SLC35D1: variants seen among roughly 807,000 people sequenced by gnomAD.
The protein encoded by SLC35D1 is nucleotide sugar transporter SLC35D1.
Under a neutral mutation model 46.7 loss-of-function variants are expected in SLC35D1, and 31 were observed. The observed-to-expected ratio is 0.66, with a 90% CI of 0.50 to 0.90. The LOEUF is 0.90. SLC35D1 is among the 40% of genes least tolerant of loss of function. SLC35D1 has a pLI of 0.00. For missense variants in SLC35D1, 397 were observed against 426.2 expected (o/e 0.93, Z 0.60); for synonymous variants, 195 against 164.6 (o/e 1.18, Z -1.41).
At chr1:67,011,421 T>G (rs1667563893) in intron 10 of SLC35D1, among the ~76,000 whole-genome samples, 1 of 152,168 alleles carries the variant, frequency 6.6e-6, no homozygotes, top group Admixed American at 6.5e-5. Context: ...CAGACCTCTT[T>G]CTCCCTGTGG....
chr1:67,041,791 C>A (rs889189837), intron 8 of SLC35D1, among the ~76,000 whole-genome samples: 2 of 151,638 alleles, frequency 1.3e-5, no homozygotes, highest in Non-Finnish European at 1.5e-5. Context: ...AAAAAAAAAA[C>A]AAGTTGGGAG....
chr1:66,988,275 C>CT, the SLC35D1 span: 6 of 152,278 alleles, frequency 3.9e-5, no homozygotes, highest in Non-Finnish European at 7.4e-5. Flanking sequence ...CTCAAAATGA[C>CT]TTTTTCTGTA....
intron 4 of SLC35D1, among the ~76,000 whole-genome samples, chr1:67,051,546 T>G (rs1645308834): frequency 6.6e-6 from 1 of 152,186 alleles, no homozygotes; most frequent in South Asian, 2.1e-4. Context: ...TAATAATATT[T>G]TTATCAGGGT....
chr1:66,992,017 C>A, the SLC35D1 span, among the ~76,000 whole-genome samples: 10 of 152,190 alleles, frequency 6.6e-5, no homozygotes, highest in Non-Finnish European at 1.3e-4. Context: ...CTAGAGAGTG[C>A]TGGCTAATGA....
chr1:66,975,836 A>C, the SLC35D1 span, among the ~76,000 whole-genome samples: 2 of 152,146 alleles, frequency 1.3e-5, no homozygotes, highest in Admixed American at 6.5e-5. Context: ...GAGTAAATTA[A>C]CTGAGTCTGG....
In SLC35D1 at chr1:67,053,855, G is replaced by T. The variant is rs756375250; in HGVS notation, c.159C>A (p.Ser53=). 6.2e-7 allele frequency: 1 copy of T among 1,613,430 alleles called. No homozygotes were observed. The highest frequency in any genetic ancestry group is 1.1e-5 in the South Asian group (1 of 91,072). The change falls in exon 1 of 12, where the codon TCC becomes TCA. Residue 53 remains serine, a synonymous_variant. Coordinates refer to ENST00000235345, the MANE Select transcript of SLC35D1 (RefSeq NM_015139.3). ...LLAAGFYGVS[S]FLIVVVNKSV... is the part of the protein sequence containing the mutation. The stretch of plus-strand genomic sequence containing the variant: ...TCTTATTCACCACCACGATCAGGAA[G>T]GAGCTCACGCCGTAAAAGCCGGCGG...
chr1:66,975,727 G>C, the SLC35D1 span, among the ~76,000 whole-genome samples: 1 of 152,078 alleles, frequency 6.6e-6, no homozygotes, highest in African/African-American at 2.4e-5. Flanking sequence ...TGCACAAATA[G>C]GTACAGCACA....
intron 8 of SLC35D1, 132 bp from the exon 9 acceptor site, chr1:67,021,734 C>G (rs1667809440): frequency 1.4e-6 from 1 of 693,410 alleles, no homozygotes; most frequent in Non-Finnish European, 2.6e-6. Flanking sequence ...GACACACACA[C>G]ACACACACAC....
At chr1:67,035,300 G>A (rs1668101031) in intron 8 of SLC35D1, among the ~76,000 whole-genome samples, 1 of 152,118 alleles carries the variant, frequency 6.6e-6, no homozygotes. Context: ...ATGTTTCGTA[G>A]AATTCAGTAG....
intron 8 of SLC35D1, among the ~76,000 whole-genome samples, chr1:67,036,710 C>CTTTTTTTTTT (rs56674117): frequency 6.9e-6 from 1 of 144,422 alleles, no homozygotes; most frequent in Non-Finnish European, 1.5e-5. Context: ...ATCACTGGGT[C>CTTTTTTTTTT]TTTTTTTTTT....
At chr1:67,020,677 C>A (rs907244829) in intron 9 of SLC35D1, among the ~76,000 whole-genome samples, 1 of 152,108 alleles carries the variant, frequency 6.6e-6, no homozygotes, top group Non-Finnish European at 1.5e-5. Flanking sequence ...TCATCAAAAC[C>A]CTGAACCATC....
rs779613185 is a variant in SLC35D1, at chr1:67,051,993, AAAAT to A, written c.392+15_392+18del. On this transcript the variant is annotated intron_variant, in intron 4 of 11. Transcript: ENST00000235345. ...AATACATTATATTAACCTCACTAGTAAAATAAAGTTATCCATACTTCAGTTTCTT... is the reference window on the plus strand; with the variant it reads ...AATACATTATATTAACCTCACTAGTAAAAGTTATCCATACTTCAGTTTCTT... 3 of 1,530,296 alleles carry A rather than the reference AAAAT, an allele frequency of 2.0e-6. No homozygotes were observed. Among genetic ancestry groups the A allele is most frequent in the Admixed American group, 3.3e-5 (2 of 59,890 alleles). The allele number at this position is 1,530,296 out of a possible 1,614,324, so 94.8% of individuals were successfully genotyped here.
At position 67,030,103 on chromosome 1, in the gene SLC35D1, T is replaced by C. The variant is rs569840161; in HGVS notation, c.730-8501A>G. Among the ~76,000 whole-genome samples, 17 of 152,136 alleles carry C rather than the reference T, an allele frequency of 1.1e-4. No individual in the cohort carries two copies. In the South Asian group the frequency reaches 3.3e-3, roughly 30 times the overall value. ...TACGCATACCCTGCAAGAAAAGCCA[T>C]TGTACCTAGAAAAGTAGGTGGACCA... On this transcript the variant is annotated intron_variant, in intron 8 of 11. Coordinates refer to ENST00000235345, the MANE Select transcript of SLC35D1 (RefSeq NM_015139.3).
chr1:67,018,693 A>G (rs573985734), intron 10 of SLC35D1, among the ~76,000 whole-genome samples: 7 of 152,336 alleles, frequency 4.6e-5, no homozygotes, highest in African/African-American at 1.4e-4. Flanking sequence ...ACCATGCTGA[A>G]GAGAAAAAGG....
At chr1:66,981,496 T>C in the SLC35D1 span, among the ~76,000 whole-genome samples, 1 of 152,192 alleles carries the variant, frequency 6.6e-6, no homozygotes, top group Non-Finnish European at 1.5e-5. Flanking sequence ...CAGTTCTAGT[T>C]GGGCCACTCT....
At chr1:67,007,611 A>G (rs951513819) in intron 11 of SLC35D1, among the ~76,000 whole-genome samples, 9 of 152,232 alleles carry the variant, frequency 5.9e-5, no homozygotes, top group African/African-American at 2.2e-4. Flanking sequence ...CGGAAAGGGC[A>G]ATTCATGAAC....
chr1:67,038,642 C>CT (rs112639914), intron 8 of SLC35D1, among the ~76,000 whole-genome samples: 10 of 152,182 alleles, frequency 6.6e-5, no homozygotes, highest in African/African-American at 2.4e-4. Context: ...GATGTCCACT[C>CT]TGCCTTTATC....
At chr1:67,004,685 A>T (rs1667411413) in intron 11 of SLC35D1, among the ~76,000 whole-genome samples, 1 of 152,256 alleles carries the variant, frequency 6.6e-6, no homozygotes, top group Non-Finnish European at 1.5e-5. Context: ...ATCATAAAAC[A>T]TCAAGCATTG....
chr1:66,988,782 T>G, the SLC35D1 span, among the ~76,000 whole-genome samples: 8 of 152,356 alleles, frequency 5.3e-5, no homozygotes, highest in South Asian at 1.7e-3. Context: ...TCATTATGTT[T>G]CCATATACTC....
Sources: allele counts gnomAD v4.1 joint callset (sites outside exome capture counted in the v4.1 genomes callset), GRCh38; gene constraint gnomAD v4.1.1; transcripts MANE v1.5; gene names NCBI Gene and HGNC (gene_info 2026-07-23, HGNC 2026-07-21).